Variants in C12orf56 observed in about 807,000 individuals in gnomAD.
C12orf56 encodes the protein chromosome 12 open reading frame 56.
In C12orf56, 71 loss-of-function variants were observed where a neutral mutation model predicts 69.9. The observed-to-expected ratio is 1.02, with a 90% confidence interval of 0.84 to 1.24. The LOEUF (loss-of-function observed/expected upper bound fraction) is 1.24. Ranked by LOEUF, C12orf56 falls within the 50% of genes most tolerant of loss-of-function variation. The pLI is 0.00. For synonymous variants in C12orf56, 276 were observed against 274.1 expected (o/e 1.01, Z -0.07); for missense variants, 732 against 738.5 (o/e 0.99, Z 0.10).
intron 8 of C12orf56, among the ~76,000 whole-genome samples, chr12:64,281,537 A>T (rs1357376043): frequency 1.3e-5 from 2 of 152,090 alleles, no homozygotes; most frequent in Non-Finnish European, 2.9e-5. Context: ...ATGCCATTGC[A>T]CTCCAGCCTG....
chr12:64,331,774 G>A (rs962218490), intron 2 of C12orf56, among the ~76,000 whole-genome samples: 3 of 152,110 alleles, frequency 2.0e-5, no homozygotes, highest in Non-Finnish European at 4.4e-5. Flanking sequence ...CCAGCCTCCA[G>A]AACTGTGAGA....
intron 5 of C12orf56, among the ~76,000 whole-genome samples, chr12:64,308,923 A>AGAAG (rs2038558006): frequency 1.5e-5 from 1 of 66,844 alleles, no homozygotes; most frequent in African/African-American, 5.8e-5. Flanking sequence ...AAAGAAAGAA[A>AGAAG]GAAAGAAAGA....
intron 1 of C12orf56, among the ~76,000 whole-genome samples, chr12:64,374,613 G>C (rs1592500192): frequency 6.6e-6 from 1 of 150,708 alleles, no homozygotes; most frequent in South Asian, 2.1e-4. Flanking sequence ...GCGAGATCTC[G>C]GCTCACTGCA....
intron 4 of C12orf56, among the ~76,000 whole-genome samples, chr12:64,313,324 T>A (rs2038647842): frequency 7.2e-6 from 1 of 138,396 alleles, no homozygotes; most frequent in Non-Finnish European, 1.6e-5. Context: ...ATCACACAGT[T>A]TAGATAAAGT....
chr12:64,310,495 G>A lies in C12orf56; in HGVS notation c.968+2184C>T, dbSNP rs542710612. ...TACTTGGTTATCCTGAACTCGTTAC[G>A]GTTCATGGAGGAAAGGAAGAATATA... is the stretch of plus-strand genomic sequence containing the variant. On this transcript the variant is annotated intron_variant, in intron 5 of 12. Transcript: ENST00000543942. 1.3e-4 allele frequency among the ~76,000 whole-genome samples: 20 copies of A among 152,220 alleles called. No individual in the cohort carries two copies. In the East Asian group the frequency reaches 2.3e-3, roughly 18 times the overall value.
chr12:64,270,563 A>G lies in C12orf56; in HGVS notation c.1736T>C (p.Ile579Thr). The change falls in exon 12 of 13, where the codon ATT (isoleucine) becomes ACT (threonine). Residue 579 changes from isoleucine (I) to threonine (T), a missense_variant. Physicochemically the swap from Ile to Thr is moderately conservative, Grantham distance 89 (BLOSUM62 -1). Coordinates refer to ENST00000543942, the MANE Select transcript of C12orf56 (RefSeq NM_001170633.2). ...GAATTCTTCTCTGTAGTTATTCCTA[A>G]TATACTCAGCTAGAGTCCTGCTGTG... Reference protein sequence around the residue: ...LRHSRTLAEYIRNNYREEFRY... With the variant: ...LRHSRTLAEYTRNNYREEFRY... The G allele has an allele frequency of 1.3e-6, 2 of 1,599,788 alleles. No homozygotes were observed. Among genetic ancestry groups the G allele is most frequent in the Non-Finnish European group, 1.7e-6 (2 of 1,175,182 alleles).
intron 11 of C12orf56, among the ~76,000 whole-genome samples, chr12:64,273,318 A>G (rs1201522611): frequency 7.4e-6 from 1 of 134,564 alleles, no homozygotes; most frequent in Non-Finnish European, 1.7e-5. Context: ...AAAAAAAAAA[A>G]AGAACATATT....
intron 12 of C12orf56, among the ~76,000 whole-genome samples, chr12:64,270,000 G>C (rs1487908946): frequency 6.6e-6 from 1 of 152,158 alleles, no homozygotes; most frequent in African/African-American, 2.4e-5. Context: ...AGAGTTTGAT[G>C]TTTCACTAGT....
chr12:64,268,862 G>A (rs913946193), intron 12 of C12orf56, among the ~76,000 whole-genome samples: 3 of 152,108 alleles, frequency 2.0e-5, no homozygotes, highest in Non-Finnish European at 4.4e-5. Flanking sequence ...ATGGCTGAGT[G>A]TGGTGGCTCA....
chr12:64,324,953 C>T (rs2038819115), intron 3 of C12orf56, among the ~76,000 whole-genome samples: 1 of 152,120 alleles, frequency 6.6e-6, no homozygotes, highest in Non-Finnish European at 1.5e-5. Context: ...AATTCTCAAA[C>T]CTTGGTAGCT....
rs946582870 is a variant in C12orf56, at chr12:64,283,542, A to C, written c.1310+1122T>G. On this transcript the variant is annotated intron_variant, in intron 8 of 12. Transcript: ENST00000543942. Reference sequence around the variant, plus strand: ...CAGACACATTTCCAGCCTCTCCTGCAGCTAGGTGTGGCCATGTGCCTGAAG... The same window carrying C: ...CAGACACATTTCCAGCCTCTCCTGCCGCTAGGTGTGGCCATGTGCCTGAAG... Among the ~76,000 whole-genome samples, 16 of 152,330 alleles carry C rather than the reference A, an allele frequency of 1.1e-4. 1 individual carries two copies. Among genetic ancestry groups the C allele is most frequent in the African/African-American group, 3.4e-4 (14 of 41,586 alleles).
intron 2 of C12orf56, 37 bp from the exon 3 acceptor site, chr12:64,331,069 T>A (rs1310752977): frequency 6.9e-7 from 1 of 1,450,892 alleles, no homozygotes; most frequent in South Asian, 1.3e-5. Context: ...ATTAATTAAA[T>A]AATTTGATTG....
rs2037911989 is a variant in C12orf56, at chr12:64,265,472, T to C, written c.*1711A>G. Reference sequence around the variant, plus strand: ...AGAAACACACTACTCCATTTCAGAGTGTTAAATGTCTTGTCACAGGCAGAG... The same window carrying C: ...AGAAACACACTACTCCATTTCAGAGCGTTAAATGTCTTGTCACAGGCAGAG... On this transcript the variant is annotated 3_prime_UTR_variant, in exon 13 of 13. Transcript: ENST00000543942. The C allele has an allele frequency of 6.6e-6, 1 of 152,056 alleles. No homozygotes were observed. The highest frequency in any genetic ancestry group is 2.1e-4 in the South Asian group (1 of 4,816). 9.4% of individuals were successfully genotyped at this position (152,056 alleles called of 1,614,324 possible).
At position 64,318,836 on chromosome 12, in the gene C12orf56, AGTT is replaced by A; in HGVS notation, c.630_632del (p.Thr211del). 1 of 1,537,178 alleles carries A rather than the reference AGTT, an allele frequency of 6.5e-7. No homozygotes were observed. The highest frequency in any genetic ancestry group is 8.7e-7 in the Non-Finnish European group (1 of 1,146,894). Reference sequence around the variant, plus strand: ...AAGATGGCTCGCTGACAGCCTTGCCAGTTGTTGGTGCAGACTGAGAGCTCCTCC... The same window carrying A: ...AAGATGGCTCGCTGACAGCCTTGCCAGTTGGTGCAGACTGAGAGCTCCTCC... On this transcript the variant is annotated inframe_deletion, in exon 4 of 13. Transcript: ENST00000543942.
intron 5 of C12orf56, among the ~76,000 whole-genome samples, chr12:64,311,722 TAAAAAG>T (rs2136823865): frequency 6.6e-6 from 1 of 152,176 alleles, no homozygotes; most frequent in Non-Finnish European, 1.5e-5. Flanking sequence ...GAAAGAAAAA[TAAAAAG>T]AGATGTCATA....
Position 64,318,949 on chromosome 12 carries a change from C to G in C12orf56, c.520G>C (p.Asp174His), listed in dbSNP as rs1387638106. ...CCTGGACGAGGACAGAGAGTTGAGT[C>G]CTTGGATGGTGTACTGCTCTCCTGC... ...DQQESSTPSK[D>H]STLCPRPGLK... Residue 174 changes from aspartate to histidine, a missense_variant, in exon 4 of 13, where the codon GAC becomes CAC. Coordinates refer to ENST00000543942, the MANE Select transcript of C12orf56 (RefSeq NM_001170633.2). 3.3e-6 allele frequency: 5 copies of G among 1,529,680 alleles called. No homozygotes were observed. The highest frequency in any genetic ancestry group is 4.4e-6 in the Non-Finnish European group (5 of 1,143,286). 94.8% of individuals were successfully genotyped at this position (1,529,680 alleles called of 1,614,324 possible). A position where few individuals can be genotyped will look rare whatever the true frequency, so the allele number is the denominator to read the frequency against.
intron 8 of C12orf56, among the ~76,000 whole-genome samples, chr12:64,282,035 G>A (rs1488791656): frequency 6.6e-6 from 1 of 152,124 alleles, no homozygotes; most frequent in Non-Finnish European, 1.5e-5. Context: ...TGGAGATTAG[G>A]GAAACGGCAG....
At chr12:64,325,584 A>G (rs1382276737) in intron 3 of C12orf56, among the ~76,000 whole-genome samples, 1 of 152,162 alleles carries the variant, frequency 6.6e-6, no homozygotes, top group Non-Finnish European at 1.5e-5. Flanking sequence ...TGAATCTTTG[A>G]TAATCTAGGT....
intron 1 of C12orf56, among the ~76,000 whole-genome samples, chr12:64,377,879 A>G (rs942970350): frequency 6.6e-6 from 1 of 152,194 alleles, no homozygotes; most frequent in Admixed American, 6.5e-5. Flanking sequence ...ATGATCTACT[A>G]GGTACCAAAG....
Sources: gnomAD v4.1 joint callset for allele counts (sites outside exome capture counted in the v4.1 genomes callset) on GRCh38, gnomAD v4.1.1 for gene constraint, MANE v1.5 for transcripts, NCBI Gene and HGNC (gene_info 2026-07-23, HGNC 2026-07-21) for gene names.